Variants in ZAR1L observed in about 807,000 individuals in gnomAD.
The protein encoded by ZAR1L is protein ZAR1-like.
A neutral mutation model predicts 30.0 loss-of-function variants in ZAR1L; 16 were observed. The ratio of observed to expected loss-of-function variants is 0.53; its 90% CI spans 0.36 to 0.81. ZAR1L has a LOEUF of 0.81. ZAR1L is among the 30% of genes least tolerant of loss of function. ZAR1L has a pLI of 0.00. For synonymous variants in ZAR1L, 197 were observed against 166.8 expected, an observed-to-expected ratio of 1.18 and a Z score of -1.40; for missense variants, 392 against 417.2, an observed-to-expected ratio of 0.94 and a Z score of 0.53.
rs999137266 is a variant in ZAR1L, at chr13:32,312,749, G to A, written c.-168-656C>T. 5.3e-5 allele frequency among the ~76,000 whole-genome samples: 8 copies of A among 152,166 alleles called. No homozygotes were observed. The South Asian group carries it at 8.3e-4, about 16-fold the overall frequency. On this transcript the variant is annotated intron_variant, in intron 2 of 5. Transcript: ENST00000533490. ...AAAAATCAGCCGGGTATGGTGGCAC[G>A]CTCCTGTAATCCCAGCTACTCGGGA...
chr13:32,303,764 T>C lies in ZAR1L; in HGVS notation c.*115A>G, dbSNP rs1288891249. On this transcript the variant is annotated 3_prime_UTR_variant, in exon 6 of 6. Transcript: ENST00000533490. ...CAATTGTTACACAATCTACAAAAAG[T>C]ACAAAAGCCTAGCCATTTTCCGATG... 4.9e-6 allele frequency: 5 copies of C among 1,015,408 alleles called. No individual in the cohort carries two copies. Among genetic ancestry groups the C allele is most frequent in the Non-Finnish European group, 4.2e-6 (3 of 707,796 alleles). 62.9% of individuals were successfully genotyped at this position (1,015,408 alleles called of 1,614,324 possible).
rs2138689825 is a variant in ZAR1L at position 32,311,631 on chromosome 13, C to T, written c.295G>A (p.Val99Met). The T allele has an allele frequency of 6.4e-7, 1 of 1,551,146 alleles. No individual in the cohort carries two copies. Among genetic ancestry groups the T allele is most frequent in the Non-Finnish European group, 8.7e-7 (1 of 1,146,956 alleles). Reference sequence around the variant, plus strand: ...AGAGAGCACTGCACAGCCTTGTCCACCCGCGGGCTCACCTGCACGCCCACC... The same window carrying T: ...AGAGAGCACTGCACAGCCTTGTCCATCCGCGGGCTCACCTGCACGCCCACC... Reference protein sequence around the residue: ...KEVGVQVSPRVDKAVQCSLGP... With the variant: ...KEVGVQVSPRMDKAVQCSLGP... The change falls in exon 3 of 6, where the codon GTG (valine) becomes ATG (methionine). Residue 99 changes from valine to methionine, a missense_variant. Physicochemically the swap from Val to Met is conservative, Grantham distance 21. Coordinates refer to ENST00000533490, the MANE Select transcript of ZAR1L (RefSeq NM_001136571.2).
Position 32,311,952 on chromosome 13 carries a change from T to G in ZAR1L, c.-27A>C. 1 of 1,519,274 alleles carries G rather than the reference T, an allele frequency of 6.6e-7. No individual in the cohort carries two copies. Among genetic ancestry groups the G allele is most frequent in the South Asian group, 1.3e-5 (1 of 78,786 alleles). The allele number at this position is 1,519,274 out of a possible 1,614,324, so 94.1% of individuals were successfully genotyped here. On this transcript the variant is annotated 5_prime_UTR_variant, in exon 3 of 6. An upstream open reading frame in the 5' UTR loses its in-frame stop. Coordinates refer to ENST00000533490, the MANE Select transcript of ZAR1L (RefSeq NM_001136571.2). ...CGCTCTCAGGTGCTCAGGCGCAGTC[T>G]AATATCCTAGCCAGTTTGTTTGGGT...
intron 5 of ZAR1L, among the ~76,000 whole-genome samples, chr13:32,306,058 T>C (rs921976494): frequency 3.3e-5 from 5 of 152,236 alleles, no homozygotes; most frequent in Non-Finnish European, 5.9e-5. Flanking sequence ...AATTGAAGTT[T>C]TCTTCTAAAG....
At chr13:32,311,173 G>A in intron 3 of ZAR1L, 99 bp downstream of exon 3, 1 of 1,299,726 alleles carries the variant, frequency 7.7e-7, no homozygotes, top group Non-Finnish European at 1.0e-6. Flanking sequence ...GTACATGGAA[G>A]AAGAGAGAGA....
At chr13:32,304,481 C>T (rs528455233) in intron 5 of ZAR1L, among the ~76,000 whole-genome samples, 1 of 152,290 alleles carries the variant, frequency 6.6e-6, no homozygotes, top group East Asian at 1.9e-4. Context: ...AAGACTAGAG[C>T]AGATGTTCTC....
chr13:32,311,997 T>C lies in ZAR1L; in HGVS notation c.-72A>G. 2 of 1,430,876 alleles carry C rather than the reference T, an allele frequency of 1.4e-6. No homozygotes were observed. 88.6% of individuals were successfully genotyped at this position (1,430,876 alleles called of 1,614,324 possible). On this transcript the variant is annotated 5_prime_UTR_variant, in exon 3 of 6. Transcript: ENST00000533490. ...TTGGGTCCTTATTTTGCCTTCCTCC[T>C]TCATCCGCCCCTTCTTTCTCTTCAT...
intron 4 of ZAR1L, among the ~76,000 whole-genome samples, chr13:32,309,301 C>T (rs1212359221): frequency 6.6e-6 from 1 of 152,044 alleles, no homozygotes; most frequent in Non-Finnish European, 1.5e-5. Flanking sequence ...CAGAATAATA[C>T]GATTAATACT....
chr13:32,308,775 G>GC lies in ZAR1L; in HGVS notation c.748-16_748-15insG. Reference sequence around the variant, plus strand: ...TTGAAATAAACCTAAAGAGAAATATGTTTTTTTTTAATACAAGCTTTTATA... The same window carrying GC: ...TTGAAATAAACCTAAAGAGAAATATGCTTTTTTTTTAATACAAGCTTTTATA... On this transcript the variant is annotated splice_polypyrimidine_tract_variant and intron_variant, in intron 4 of 5. Coordinates refer to ENST00000533490, the MANE Select transcript of ZAR1L (RefSeq NM_001136571.2). 2.1e-6 allele frequency: 3 copies of GC among 1,460,556 alleles called. No individual in the cohort carries two copies. The highest frequency in any genetic ancestry group is 2.0e-5 in the Admixed American group (1 of 49,192). The allele number at this position is 1,460,556 out of a possible 1,614,324, so 90.5% of individuals were successfully genotyped here. A position where few individuals can be genotyped will look rare whatever the true frequency, so the allele number is the denominator to read the frequency against.
chr13:32,314,145 C>T (rs1307719833), intron 2 of ZAR1L, among the ~76,000 whole-genome samples, 185 bp downstream of exon 2: 1 of 152,158 alleles, frequency 6.6e-6, no homozygotes, highest in African/African-American at 2.4e-5. Context: ...AAGCAGAATG[C>T]CTAACTCATA....
chr13:32,314,816 C>CA (rs1369361283), intron 1 of ZAR1L, among the ~76,000 whole-genome samples: 1 of 152,000 alleles, frequency 6.6e-6, no homozygotes, highest in Non-Finnish European at 1.5e-5. Flanking sequence ...TGCGCCATTG[C>CA]ACACCAGCCC....
Position 32,311,869 on chromosome 13 carries a change from C to T in ZAR1L, c.57G>A (p.Val19=), listed in dbSNP as rs768493650. Residue 19 remains valine, a synonymous_variant, in exon 3 of 6, where the codon GTG becomes GTA. Coordinates refer to ENST00000533490, the MANE Select transcript of ZAR1L (RefSeq NM_001136571.2). ...CTGAGAGTCCAGGCTGGCCCAAAGG[C>T]ACTGTGCTCCCATAACCCTGGTACA... ...YGLYQGYGST[V]PLGQPGLSGH... The T allele has an allele frequency of 1.9e-6, 3 of 1,551,676 alleles. No homozygotes were observed. The highest frequency in any genetic ancestry group is 2.4e-5 in the East Asian group (1 of 40,928).
chr13:32,314,848 G>A (rs2072238567), intron 1 of ZAR1L, among the ~76,000 whole-genome samples: 1 of 151,564 alleles, frequency 6.6e-6, no homozygotes, highest in African/African-American at 2.4e-5. Flanking sequence ...GCGAAACTCC[G>A]TCTCAAAAAA....
At chr13:32,307,040 A>C (rs1449497273) in intron 5 of ZAR1L, among the ~76,000 whole-genome samples, 2 of 151,950 alleles carry the variant, frequency 1.3e-5, no homozygotes, top group Non-Finnish European at 2.9e-5. Flanking sequence ...TGGCCCTAGA[A>C]ACAAGAAGAT....
At chr13:32,304,973 C>T (rs1430182508) in intron 5 of ZAR1L, among the ~76,000 whole-genome samples, 1 of 151,986 alleles carries the variant, frequency 6.6e-6, no homozygotes, top group Non-Finnish European at 1.5e-5. Flanking sequence ...CTATGCCCAG[C>T]TAATTTTTGT....
rs1446423443 is a variant in ZAR1L at position 32,311,120 on chromosome 13, C to T, written c.654+152G>A. On this transcript the variant is annotated intron_variant, in intron 3 of 5. Transcript: ENST00000533490. The stretch of plus-strand genomic sequence containing the variant: ...ACCCAAAACTTACCAAACATACAGG[C>T]CACGTGATATACATATTTTCAGAGC... 5.3e-5 allele frequency among the ~76,000 whole-genome samples: 8 copies of T among 152,230 alleles called. No homozygotes were observed. The East Asian group carries it at 9.6e-4, about 18-fold the overall frequency.
At chr13:32,309,281 C>T (rs889199652) in intron 4 of ZAR1L, among the ~76,000 whole-genome samples, 12 of 152,182 alleles carry the variant, frequency 7.9e-5, no homozygotes, top group South Asian at 4.2e-4. Flanking sequence ...CCTGAGCCAC[C>T]GCATCCAGCC....
intron 5 of ZAR1L, among the ~76,000 whole-genome samples, chr13:32,304,589 T>C (rs938924256): frequency 6.6e-6 from 1 of 152,198 alleles, no homozygotes; most frequent in Admixed American, 6.5e-5. Flanking sequence ...AGAAGGGTAT[T>C]CTGGAGGAAA....
intron 4 of ZAR1L, 43 bp from the exon 5 acceptor site, chr13:32,308,803 C>T: frequency 7.5e-7 from 1 of 1,329,210 alleles, no homozygotes. Flanking sequence ...CTTTTATACA[C>T]ACCCACACCC....
Sources: allele counts gnomAD v4.1 joint callset (sites outside exome capture counted in the v4.1 genomes callset), GRCh38; gene constraint gnomAD v4.1.1; transcripts MANE v1.5; gene names NCBI Gene and HGNC (gene_info 2026-07-23, HGNC 2026-07-21).